Variants in EXD3 observed in about 807,000 individuals in gnomAD.
EXD3 encodes exonuclease mut-7 homolog.
EXD3 carries 92 observed loss-of-function variants against 98.0 expected under a neutral mutation model. The ratio of observed to expected loss-of-function variants is 0.94; its 90% CI spans 0.79 to 1.12. The LOEUF is 1.12. EXD3 is among the 50% of genes most tolerant of loss of function. EXD3 has a pLI of 0.00. For synonymous variants in EXD3, 569 were observed against 526.0 expected, an observed-to-expected ratio of 1.08 and a Z score of -1.12; for missense variants, 1,222 against 1,191.6, an observed-to-expected ratio of 1.03 and a Z score of -0.38.
At chr9:137,313,463 G>A (rs2119056095) in intron 19 of EXD3, among the ~76,000 whole-genome samples, 1 of 152,256 alleles carries the variant, frequency 6.6e-6, no homozygotes, top group East Asian at 1.9e-4. Context: ...AGGGGTTTCT[G>A]CTCTGTGCCC....
At chr9:137,417,755 G>A (rs1228697566) in intron 1 of EXD3, among the ~76,000 whole-genome samples, 3 of 152,182 alleles carry the variant, frequency 2.0e-5, no homozygotes, top group East Asian at 3.9e-4. Context: ...CGGGCACACC[G>A]GCCACTGCGC....
At chr9:137,389,024 C>T (rs1275319590) in intron 2 of EXD3, among the ~76,000 whole-genome samples, 3 of 152,166 alleles carry the variant, frequency 2.0e-5, no homozygotes, top group African/African-American at 7.2e-5. Context: ...CCTGAGAGGC[C>T]ACGCCCACCC....
chr9:137,367,844 G>T lies in EXD3; in HGVS notation c.516+92C>A, dbSNP rs1334041615. The T allele has an allele frequency of 2.3e-6, 3 of 1,293,740 alleles. No homozygotes were observed. In the African/African-American group the frequency reaches 4.4e-5, roughly 19 times the overall value. 80.1% of individuals were successfully genotyped at this position (1,293,740 alleles called of 1,614,324 possible). On this transcript the variant is annotated intron_variant, in intron 6 of 21. Transcript: ENST00000340951. The stretch of plus-strand genomic sequence containing the variant: ...CCCTGCTGTCCCCCACTGTGGCTTG[G>T]TGGACTCCCGACCTCCAACAAACAC...
intron 19 of EXD3, 69 bp from the exon 20 acceptor site, chr9:137,309,769 C>A: frequency 8.3e-7 from 1 of 1,198,010 alleles, no homozygotes. Context: ...CAGCCCTCTG[C>A]TCGCTCCTCG....
chr9:137,390,948 T>G (rs1488879891), intron 2 of EXD3, among the ~76,000 whole-genome samples: 3 of 152,250 alleles, frequency 2.0e-5, no homozygotes, highest in Non-Finnish European at 2.9e-5. Context: ...ACAAAGTGCC[T>G]GTGACCTCGT....
At chr9:137,357,092 A>C (rs1834831528) in intron 7 of EXD3, among the ~76,000 whole-genome samples, 1 of 152,168 alleles carries the variant, frequency 6.6e-6, no homozygotes, top group Non-Finnish European at 1.5e-5. Context: ...TGGCTCCCAG[A>C]ACTGCTGTTG....
intron 1 of EXD3, among the ~76,000 whole-genome samples, chr9:137,420,048 T>C (rs964989311): frequency 6.6e-6 from 1 of 151,902 alleles, no homozygotes. Context: ...TAGTCCCAGC[T>C]ACTCGGGAGG....
At chr9:137,334,030 T>G (rs1833232886) in intron 17 of EXD3, among the ~76,000 whole-genome samples, 1 of 149,040 alleles carries the variant, frequency 6.7e-6, no homozygotes, top group South Asian at 2.1e-4. Context: ...TGAGATGGAG[T>G]CTCGCTCTGT....
intron 8 of EXD3, among the ~76,000 whole-genome samples, chr9:137,355,478 AG>A (rs1215102171): frequency 1.6e-4 from 1 of 6,102 alleles, no homozygotes; most frequent in Non-Finnish European, 4.0e-4. Context: ...GGAAGGAGGA[AG>A]GAGGAAGGAG....
intron 1 of EXD3, among the ~76,000 whole-genome samples, chr9:137,408,406 G>C (rs1463149891): frequency 6.6e-6 from 1 of 151,940 alleles, no homozygotes; most frequent in Non-Finnish European, 1.5e-5. Context: ...AATTTGCCGG[G>C]CGTGGTGGCG....
chr9:137,327,128 A>G (rs982471402), intron 17 of EXD3, among the ~76,000 whole-genome samples: 1 of 151,010 alleles, frequency 6.6e-6, no homozygotes, highest in Non-Finnish European at 1.5e-5. Flanking sequence ...AACTATTGGT[A>G]CGGAGTCTTT....
chr9:137,354,954 C>T (rs1186997890), intron 8 of EXD3, among the ~76,000 whole-genome samples, 181 bp from the exon 9 acceptor site: 1 of 152,214 alleles, frequency 6.6e-6, no homozygotes, highest in Non-Finnish European at 1.5e-5. Flanking sequence ...CCCACTCAGC[C>T]TGGGGGTCCC....
rs398113954 is a variant in EXD3 at position 137,360,463 on chromosome 9, CTTTT to C, written c.657-4099_657-4096del. The stretch of plus-strand genomic sequence containing the variant: ...TTCATCCTTCCTTCCTTTTCTTCTT[CTTTT>C]TTTTTTTTTTTGAGATGGAGTCTCG... On this transcript the variant is annotated intron_variant, in intron 7 of 21. Coordinates refer to ENST00000340951, the MANE Select transcript of EXD3 (RefSeq NM_017820.5). 3.4e-5 allele frequency among the ~76,000 whole-genome samples: 2 copies of C among 59,386 alleles called. 1 individual carries two copies. Among genetic ancestry groups the C allele is most frequent in the Non-Finnish European group, 7.1e-5 (2 of 28,032 alleles). 39.0% of individuals were successfully genotyped at this position (59,386 alleles called of 152,430 possible). A position where few individuals can be genotyped will look rare whatever the true frequency, so the allele number is the denominator to read the frequency against.
intron 17 of EXD3, among the ~76,000 whole-genome samples, chr9:137,346,263 A>AAAAAAAAAAAAAAAAAAAAAAAAAAAC (rs1833925279): frequency 6.7e-6 from 1 of 149,608 alleles, no homozygotes; most frequent in Admixed American, 6.7e-5. Context: ...AAAAAAAAAA[A>AAAAAAAAAAAAAAAAAAAAAAAAAAAC]AAAATTCACT....
At chr9:137,307,792 G>C in intron 20 of EXD3, 146 bp from the exon 21 acceptor site, 1 of 882,874 alleles carries the variant, frequency 1.1e-6, no homozygotes, top group Non-Finnish European at 1.7e-6. Flanking sequence ...TTCGCAGACG[G>C]GCAGAGGGCA....
chr9:137,323,899 C>T (rs756627035), intron 18 of EXD3, 43 bp from the exon 19 acceptor site: 34 of 1,568,730 alleles, frequency 2.2e-5, no homozygotes, highest in South Asian at 2.3e-5. Context: ...GTGCAGAGCC[C>T]AGCACCTGCC....
intron 3 of EXD3, among the ~76,000 whole-genome samples, chr9:137,376,607 A>T (rs944772800): frequency 6.6e-6 from 1 of 151,776 alleles, no homozygotes; most frequent in African/African-American, 2.4e-5. Flanking sequence ...AGACCCCCCC[A>T]CCTGCTCGCT....
intron 10 of EXD3, 33 bp downstream of exon 10, chr9:137,354,306 C>T: frequency 1.2e-6 from 2 of 1,610,646 alleles, no homozygotes; most frequent in Non-Finnish European, 1.7e-6. Flanking sequence ...CCCAGGCCGC[C>T]CTGCCGGCTT....
chr9:137,319,160 G>A lies in EXD3; in HGVS notation c.2184+4565C>T, dbSNP rs116845471. On this transcript the variant is annotated intron_variant, in intron 19 of 21. Coordinates refer to ENST00000340951, the MANE Select transcript of EXD3 (RefSeq NM_017820.5). ...CAGGCCCCGTGGGCAGCTCCAGGGCGGAGGGCCGATCTCTCCTGCTGCGTC... is the reference window on the plus strand; with the variant it reads ...CAGGCCCCGTGGGCAGCTCCAGGGCAGAGGGCCGATCTCTCCTGCTGCGTC... Among the ~76,000 whole-genome samples, 561 of 152,376 alleles carry A rather than the reference G, an allele frequency of 3.7e-3. 2 individuals carry two copies. Among genetic ancestry groups the A allele is most frequent in the Non-Finnish European group, 6.2e-3 (425 of 68,030 alleles).
Sources: gnomAD v4.1 joint callset for allele counts (sites outside exome capture counted in the v4.1 genomes callset) on GRCh38, gnomAD v4.1.1 for gene constraint, MANE v1.5 for transcripts, NCBI Gene and HGNC (gene_info 2026-07-23, HGNC 2026-07-21) for gene names.